KCNIP4: variants seen among roughly 807,000 people sequenced by gnomAD.
The protein encoded by KCNIP4 is potassium voltage-gated channel interacting protein 4.
KCNIP4 carries 12 observed loss-of-function variants against 34.0 expected under a neutral mutation model. The ratio of observed to expected loss-of-function variants is 0.35; its 90% CI spans 0.23 to 0.57. The LOEUF is 0.57. Ranked by LOEUF, KCNIP4 falls within the 20% of genes least tolerant of loss-of-function variation. The pLI, the probability that KCNIP4 is intolerant of heterozygous loss-of-function variation, is 0.83. For synonymous variants in KCNIP4, 124 were observed against 102.2 expected (o/e 1.21, Z -1.29); for missense variants, 238 against 311.7 (o/e 0.76, Z 1.78).
intron 1 of KCNIP4, among the ~76,000 whole-genome samples, chr4:20,916,531 A>C (rs1386699201): frequency 6.6e-6 from 1 of 152,168 alleles, no homozygotes; most frequent in Non-Finnish European, 1.5e-5. Flanking sequence ...CGAACACATG[A>C]GGTTCAAGAG....
chr4:21,853,992 T>C (rs1236955679), intron 1 of KCNIP4, among the ~76,000 whole-genome samples: 1 of 152,154 alleles, frequency 6.6e-6, no homozygotes, highest in Non-Finnish European at 1.5e-5. Flanking sequence ...GGAATGGTAA[T>C]AAGTTCAGTG....
chr4:21,525,367 T>G (rs1735884247), intron 1 of KCNIP4, among the ~76,000 whole-genome samples: 1 of 152,180 alleles, frequency 6.6e-6, no homozygotes, highest in South Asian at 2.1e-4. Flanking sequence ...ACATGTTGAC[T>G]TTACTGTTCA....
chr4:21,778,187 T>C lies in KCNIP4; in HGVS notation c.61+170384A>G, dbSNP rs142556544. 1.2e-3 allele frequency among the ~76,000 whole-genome samples: 183 copies of C among 151,750 alleles called. 1 individual carries two copies. Among genetic ancestry groups the C allele is most frequent in the African/African-American group, 4.2e-3 (172 of 41,408 alleles). On this transcript the variant is annotated intron_variant, in intron 1 of 8. Coordinates refer to ENST00000382152, the MANE Select transcript of KCNIP4 (RefSeq NM_025221.6). ...GGAAGCCAAATAGCAAATGTGTTTG[T>C]ATGTTTTATTTTTATTTGTTTCTTT...
chr4:21,735,769 G>A (rs1180343007), intron 1 of KCNIP4, among the ~76,000 whole-genome samples: 1 of 152,108 alleles, frequency 6.6e-6, no homozygotes. Context: ...GCGAAGAATG[G>A]GGACTAGCCT....
intron 8 of KCNIP4, among the ~76,000 whole-genome samples, chr4:20,730,932 AAATT>A (rs1230084394): frequency 6.6e-6 from 1 of 152,174 alleles, no homozygotes; most frequent in Non-Finnish European, 1.5e-5. Context: ...TAATGTCACC[AAATT>A]AATTCTCTCA....
intron 1 of KCNIP4, among the ~76,000 whole-genome samples, chr4:21,652,289 T>C (rs916079606): frequency 6.6e-6 from 1 of 152,192 alleles, no homozygotes; most frequent in Non-Finnish European, 1.5e-5. Context: ...TTTATACTTC[T>C]AGCAGAACCT....
rs77047300 is a variant in KCNIP4, at chr4:21,803,406, C to A, written c.61+145165G>T. Reference sequence around the variant, plus strand: ...TCCCACATCCAACGTGGATCCTCCCCAATATGTTCTTCACACAACATCCAA... The same window carrying A: ...TCCCACATCCAACGTGGATCCTCCCAAATATGTTCTTCACACAACATCCAA... On this transcript the variant is annotated intron_variant, in intron 1 of 8. Coordinates refer to ENST00000382152, the MANE Select transcript of KCNIP4 (RefSeq NM_025221.6). 1.4e-4 allele frequency among the ~76,000 whole-genome samples: 22 copies of A among 152,318 alleles called. No homozygotes were observed. The East Asian group carries it at 4.2e-3, about 29-fold the overall frequency.
intron 1 of KCNIP4, among the ~76,000 whole-genome samples, chr4:21,495,713 G>A (rs1732795297): frequency 1.3e-5 from 2 of 152,034 alleles, no homozygotes; most frequent in African/African-American, 4.8e-5. Flanking sequence ...CCTGGAGGCT[G>A]CTTAAACAAG....
chr4:21,490,455 C>T (rs1486570191), intron 1 of KCNIP4, among the ~76,000 whole-genome samples: 4 of 152,004 alleles, frequency 2.6e-5, no homozygotes, highest in Non-Finnish European at 5.9e-5. Flanking sequence ...TCTCTCTTAA[C>T]AAGAGACTTC....
intron 1 of KCNIP4, among the ~76,000 whole-genome samples, chr4:21,644,212 A>G (rs1030710383): frequency 2.0e-5 from 3 of 152,142 alleles, no homozygotes; most frequent in Non-Finnish European, 2.9e-5. Flanking sequence ...GGATTCTACA[A>G]TTGTAAATAC....
chr4:21,122,341 G>A (rs564992233), intron 1 of KCNIP4, among the ~76,000 whole-genome samples: 13 of 147,338 alleles, frequency 8.8e-5, no homozygotes, highest in Admixed American at 2.7e-4. Context: ...GTGCGTATAC[G>A]TTTTGAAAAT....
At chr4:21,096,714 G>T (rs951230865) in intron 1 of KCNIP4, among the ~76,000 whole-genome samples, 16 of 151,798 alleles carry the variant, frequency 1.1e-4, no homozygotes, top group African/African-American at 3.9e-4. Context: ...TATATATTTG[G>T]TTTTCACTTC....
chr4:20,846,467 G>C (rs1424525882), intron 3 of KCNIP4, among the ~76,000 whole-genome samples: 2 of 152,070 alleles, frequency 1.3e-5, no homozygotes, highest in Non-Finnish European at 2.9e-5. Flanking sequence ...CATATATATT[G>C]ATATTTGTGT....
chr4:21,114,146 C>A (rs1219856770), intron 1 of KCNIP4, among the ~76,000 whole-genome samples: 1 of 152,148 alleles, frequency 6.6e-6, no homozygotes, highest in Non-Finnish European at 1.5e-5. Flanking sequence ...AGAAAATAGA[C>A]AGAGGTTCTT....
At chr4:20,998,357 A>AG (rs1211085590) in intron 1 of KCNIP4, among the ~76,000 whole-genome samples, 11 of 152,300 alleles carry the variant, frequency 7.2e-5, no homozygotes, top group African/African-American at 2.4e-4. Context: ...GTGTGTGTAC[A>AG]GGGGCCATTT....
intron 1 of KCNIP4, among the ~76,000 whole-genome samples, chr4:21,565,724 G>A (rs1739830364): frequency 6.6e-6 from 1 of 152,112 alleles, no homozygotes; most frequent in African/African-American, 2.4e-5. Context: ...TGGGTGAGGA[G>A]AGGAGAAAGT....
intron 1 of KCNIP4, among the ~76,000 whole-genome samples, chr4:21,683,344 A>T (rs1750539690): frequency 6.6e-6 from 1 of 150,790 alleles, no homozygotes; most frequent in Non-Finnish European, 1.5e-5. Context: ...CAAAAATCTC[A>T]TGAAGGTCGG....
chr4:21,508,371 C>T (rs1734025460), intron 1 of KCNIP4, among the ~76,000 whole-genome samples: 1 of 152,144 alleles, frequency 6.6e-6, no homozygotes, highest in Non-Finnish European at 1.5e-5. Flanking sequence ...CTCAGGGTTC[C>T]AAGCTCACCG....
At chr4:21,503,216 T>C (rs1733508741) in intron 1 of KCNIP4, among the ~76,000 whole-genome samples, 1 of 152,170 alleles carries the variant, frequency 6.6e-6, no homozygotes, top group Non-Finnish European at 1.5e-5. Flanking sequence ...TGCTAAAAAC[T>C]AGTCTTGTCT....
Sources: gnomAD v4.1 joint callset for allele counts (sites outside exome capture counted in the v4.1 genomes callset) on GRCh38, gnomAD v4.1.1 for gene constraint, MANE v1.5 for transcripts, NCBI Gene and HGNC (gene_info 2026-07-23, HGNC 2026-07-21) for gene names.